Variants in SUGCT observed in about 807,000 individuals in gnomAD.
SUGCT encodes the protein succinyl-CoA:glutarate CoA-transferase.
SUGCT carries 41 observed loss-of-function variants against 55.0 expected under a neutral mutation model. The observed-to-expected ratio is 0.74, with a 90% CI of 0.58 to 0.97. The LOEUF is 0.97. Ranked by LOEUF, SUGCT falls within the 50% of genes least tolerant of loss-of-function variation. SUGCT has a pLI of 0.00. For synonymous variants in SUGCT, 187 were observed against 200.4 expected (o/e 0.93, Z 0.56); for missense variants, 568 against 547.8 (o/e 1.04, Z -0.37).
In SUGCT at chr7:40,712,784, T is replaced by G. The variant is rs563136072; in HGVS notation, c.1090-36650T>G. ...GGCACATGCAGGCCTCACATCTCCA[T>G]AGAGTTAAACTTAGGGAGCAGACTT... On this transcript the variant is annotated intron_variant, in intron 12 of 13. Coordinates refer to ENST00000335693, the MANE Select transcript of SUGCT (RefSeq NM_001193313.2). Among the ~76,000 whole-genome samples the G allele has an allele frequency of 5.9e-5, 9 of 152,312 alleles. No homozygotes were observed. The South Asian group carries it at 1.7e-3, about 28-fold the overall frequency.
chr7:40,862,039 A>G (rs909325865), downstream of SUGCT, among the ~76,000 whole-genome samples: 1 of 152,204 alleles, frequency 6.6e-6, no homozygotes, highest in Non-Finnish European at 1.5e-5. Context: ...GCAAAACCAC[A>G]TATCTTGAAA....
At chr7:40,256,990 C>T (rs766047175) in intron 7 of SUGCT, among the ~76,000 whole-genome samples, 3 of 152,178 alleles carry the variant, frequency 2.0e-5, no homozygotes, top group East Asian at 1.9e-4. Context: ...GTGATTCACC[C>T]ACCTTGGCCT....
intron 13 of SUGCT, among the ~76,000 whole-genome samples, chr7:40,823,427 T>C (rs1039997528): frequency 1.3e-5 from 2 of 152,046 alleles, no homozygotes; most frequent in African/African-American, 4.8e-5. Flanking sequence ...GGCAAACATA[T>C]TTAAAGTGGA....
intron 9 of SUGCT, among the ~76,000 whole-genome samples, chr7:40,443,267 T>C (rs1788620577): frequency 6.6e-6 from 1 of 152,210 alleles, no homozygotes; most frequent in Admixed American, 6.5e-5. Flanking sequence ...CAAATGGTAT[T>C]TCTAGTTTGA....
rs183744264 is a variant in SUGCT, at chr7:40,851,552, T to G, written c.1154-8764T>G. Among the ~76,000 whole-genome samples, 115 of 152,320 alleles carry G rather than the reference T, an allele frequency of 7.5e-4. 2 individuals are homozygous for G. In the East Asian group the frequency reaches 0.021, roughly 28 times the overall value. ...GTTGATCAGTTCAGCCTCCCAGGTA[T>G]GGGCATATGAAGCAGTTGAAGCAAA... On this transcript the variant is annotated intron_variant, in intron 13 of 13. Transcript: ENST00000335693.
chr7:40,370,899 G>T, intron 9 of SUGCT, among the ~76,000 whole-genome samples: 1 of 151,982 alleles, frequency 6.6e-6, no homozygotes, highest in East Asian at 1.9e-4. Context: ...TTCATTTATT[G>T]AATACCTATG....
chr7:40,517,930 A>G (rs775353372), intron 12 of SUGCT, among the ~76,000 whole-genome samples: 4 of 152,114 alleles, frequency 2.6e-5, no homozygotes, highest in Non-Finnish European at 5.9e-5. Flanking sequence ...ATTATACACC[A>G]TTATCTGAAA....
At chr7:40,870,354 C>G in the SUGCT span, among the ~76,000 whole-genome samples, 1 of 152,124 alleles carries the variant, frequency 6.6e-6, no homozygotes, top group African/African-American at 2.4e-5. Flanking sequence ...GGTGTAACAT[C>G]TTCTCTCTCT....
At chr7:40,426,867 G>A (rs1787614911) in intron 9 of SUGCT, among the ~76,000 whole-genome samples, 1 of 151,980 alleles carries the variant, frequency 6.6e-6, no homozygotes. Context: ...AAGTCGTAGT[G>A]CAGTGTTGCA....
intron 12 of SUGCT, among the ~76,000 whole-genome samples, chr7:40,516,550 C>G (rs1793242176): frequency 6.6e-6 from 1 of 151,952 alleles, no homozygotes; most frequent in African/African-American, 2.4e-5. Flanking sequence ...TAATTTCATT[C>G]TTTTGCACGT....
chr7:40,793,255 A>G (rs1790399552), intron 13 of SUGCT: 1 of 152,152 alleles, frequency 6.6e-6, no homozygotes. Context: ...TGTGGTAAAT[A>G]GTCAGCCAAG....
At chr7:40,678,863 A>G (rs939947966) in intron 12 of SUGCT, among the ~76,000 whole-genome samples, 1 of 152,198 alleles carries the variant, frequency 6.6e-6, no homozygotes, top group African/African-American at 2.4e-5. Flanking sequence ...CAGTCCTTTC[A>G]CTACTATTGC....
At chr7:40,212,942 T>C (rs1428361120) in intron 6 of SUGCT, among the ~76,000 whole-genome samples, 1 of 152,206 alleles carries the variant, frequency 6.6e-6, no homozygotes, top group Non-Finnish European at 1.5e-5. Context: ...TATTTCACAA[T>C]GTATATGAGA....
At chr7:41,013,495 T>A in the SUGCT span, among the ~76,000 whole-genome samples, 6 of 152,164 alleles carry the variant, frequency 3.9e-5, no homozygotes, top group Non-Finnish European at 7.3e-5. Context: ...AGGAGGAGCA[T>A]TGGCTGAGGA....
At position 40,171,269 on chromosome 7, in the gene SUGCT, T is replaced by G. The variant is rs560755064; in HGVS notation, c.101-9678T>G. Among the ~76,000 whole-genome samples the G allele has an allele frequency of 1.2e-3, 182 of 152,344 alleles. 2 individuals are homozygous for G. The highest frequency in any genetic ancestry group is 4.2e-3 in the African/African-American group (176 of 41,584). ...GAAGAGCAAGGAGAAAAAGATGGGTTTGCTTTTTTTGTAAGTACTGTAAGG... is the reference window on the plus strand; with the variant it reads ...GAAGAGCAAGGAGAAAAAGATGGGTGTGCTTTTTTTGTAAGTACTGTAAGG... On this transcript the variant is annotated intron_variant, in intron 1 of 13. Transcript: ENST00000335693.
chr7:40,995,382 G>GTTATTATTATTATTATTATTATTATTA, the SUGCT span, among the ~76,000 whole-genome samples: 22 of 145,582 alleles, frequency 1.5e-4, no homozygotes, highest in African/African-American at 5.1e-4. Flanking sequence ...TATAATAGCT[G>GTTATTATTATTATTATTATTATTATTA]TTATTATTAT....
At chr7:40,691,603 C>T (rs1304376610) in intron 12 of SUGCT, among the ~76,000 whole-genome samples, 1 of 152,090 alleles carries the variant, frequency 6.6e-6, no homozygotes, top group Non-Finnish European at 1.5e-5. Flanking sequence ...TGATGGCAGC[C>T]AGAAATTATT....
At chr7:40,909,910 C>T in the SUGCT span, among the ~76,000 whole-genome samples, 7 of 152,070 alleles carry the variant, frequency 4.6e-5, no homozygotes, top group Non-Finnish European at 5.9e-5. Context: ...GGGCCTCACC[C>T]AAGGGCATCT....
the SUGCT span, among the ~76,000 whole-genome samples, chr7:40,903,209 A>G: frequency 1.3e-5 from 2 of 151,950 alleles, no homozygotes; most frequent in South Asian, 2.1e-4. Flanking sequence ...TCAAGTTACT[A>G]TCTAGCCAAA....
Sources: allele counts gnomAD v4.1 joint callset (sites outside exome capture counted in the v4.1 genomes callset), GRCh38; gene constraint gnomAD v4.1.1; transcripts MANE v1.5; gene names NCBI Gene and HGNC (gene_info 2026-07-23, HGNC 2026-07-21).